CFAP77: variants seen among roughly 807,000 people sequenced by gnomAD.
CFAP77 encodes cilia- and flagella-associated protein 77.
Under a neutral mutation model 31.1 loss-of-function variants are expected in CFAP77, and 25 were observed. That is an observed-to-expected ratio of 0.80 (90% CI 0.59 to 1.12). CFAP77 has a LOEUF of 1.12. Among genes scored for constraint, CFAP77 ranks in the 50% most tolerant of loss-of-function variants. The pLI is 0.00. For missense variants in CFAP77, 377 were observed against 397.3 expected (o/e 0.95, Z 0.44); for synonymous variants, 151 against 159.9 (o/e 0.94, Z 0.42).
chr9:132,491,551 G>A (rs1317792066), intron 1 of CFAP77, among the ~76,000 whole-genome samples: 1 of 152,196 alleles, frequency 6.6e-6, no homozygotes. Context: ...CAAGCCCTTC[G>A]GATTGATGAT....
chr9:132,561,604 T>TACACACACACAC (rs61039438), intron 5 of CFAP77, among the ~76,000 whole-genome samples: 21 of 111,582 alleles, frequency 1.9e-4, no homozygotes, highest in Admixed American at 2.8e-4. Context: ...GAGGTGCATG[T>TACACACACACAC]ACACACACAC....
rs780558142 is a variant in CFAP77 at position 132,513,188 on chromosome 9, A to G, written c.524+13588A>G. On this transcript the variant is annotated intron_variant, in intron 3 of 5. Coordinates refer to ENST00000393216, the MANE Select transcript of CFAP77 (RefSeq NM_001282957.2). ...TACTCTTAGTTATTTTTAAATGTGCAATTAAGTTATTATTGACTCTAGTCA... is the reference window on the plus strand; with the variant it reads ...TACTCTTAGTTATTTTTAAATGTGCGATTAAGTTATTATTGACTCTAGTCA... 455 of 1,436,026 alleles carry G rather than the reference A, an allele frequency of 3.2e-4. 1 individual carries two copies. Among genetic ancestry groups the G allele is most frequent in the Non-Finnish European group, 4.0e-4 (426 of 1,068,160 alleles). The allele number at this position is 1,436,026 out of a possible 1,614,324, so 89.0% of individuals were successfully genotyped here.
Position 132,427,957 on chromosome 9 carries a change from C to T in CFAP77, c.195+17491C>T, listed in dbSNP as rs1211105949. Reference sequence around the variant, plus strand: ...ACGGAGTTCAACCTCTAACATTCTCCATTGACCCCATGGCTCAAAGTTTGT... The same window carrying T: ...ACGGAGTTCAACCTCTAACATTCTCTATTGACCCCATGGCTCAAAGTTTGT... On this transcript the variant is annotated intron_variant, in intron 1 of 5. Coordinates refer to ENST00000393216, the MANE Select transcript of CFAP77 (RefSeq NM_001282957.2). 2.0e-5 allele frequency among the ~76,000 whole-genome samples: 3 copies of T among 152,068 alleles called. No homozygotes were observed. The East Asian group carries it at 5.8e-4, about 29-fold the overall frequency.
chr9:132,499,022 C>T lies in CFAP77; in HGVS notation c.295+228C>T, dbSNP rs1851793010. On this transcript the variant is annotated intron_variant, in intron 2 of 5. Coordinates refer to ENST00000393216, the MANE Select transcript of CFAP77 (RefSeq NM_001282957.2). The surrounding 1 kb of genome is among the most constrained non-coding windows in gnomAD (Gnocchi z 5.4). ...TGTCAGGGAACTAGCATGGGTATCC[C>T]CGCACCGCCCCCCTTCCCCGCCGCC... Among the ~76,000 whole-genome samples the T allele has an allele frequency of 1.4e-5, 2 of 145,362 alleles. No individual in the cohort carries two copies. The highest frequency in any genetic ancestry group is 5.2e-5 in the African/African-American group (2 of 38,422).
intron 5 of CFAP77, among the ~76,000 whole-genome samples, chr9:132,550,447 G>A (rs1378343697): frequency 1.3e-5 from 2 of 148,662 alleles, no homozygotes; most frequent in Admixed American, 6.7e-5. Flanking sequence ...AATCTCCGAT[G>A]ATCTAGAGAG....
chr9:132,556,924 C>G (rs371110178), intron 5 of CFAP77, among the ~76,000 whole-genome samples: 1 of 152,192 alleles, frequency 6.6e-6, no homozygotes, highest in Non-Finnish European at 1.5e-5. Flanking sequence ...GAAGGCCCCG[C>G]GTCTCCTTCG....
chr9:132,466,769 G>A (rs1218055527), intron 1 of CFAP77, among the ~76,000 whole-genome samples: 1 of 152,198 alleles, frequency 6.6e-6, no homozygotes, highest in Non-Finnish European at 1.5e-5. Flanking sequence ...AGGGGCTGGT[G>A]GAGATGACCT....
chr9:132,572,337 A>G, intron 5 of CFAP77, 51 bp from the exon 6 acceptor site: 1 of 1,584,358 alleles, frequency 6.3e-7, no homozygotes, highest in South Asian at 1.1e-5. Flanking sequence ...AACTGGAATG[A>G]GCTACACTGA....
intron 1 of CFAP77, among the ~76,000 whole-genome samples, chr9:132,467,569 A>T (rs1315547304): frequency 2.0e-5 from 3 of 152,126 alleles, no homozygotes; most frequent in Non-Finnish European, 2.9e-5. Context: ...GTATGGAGGG[A>T]CTATATGTTG....
chr9:132,426,625 C>G (rs944754537), intron 1 of CFAP77, among the ~76,000 whole-genome samples: 2 of 152,102 alleles, frequency 1.3e-5, no homozygotes, highest in African/African-American at 4.8e-5. Flanking sequence ...ATTTATTAAC[C>G]ATCATCGTCT....
intron 1 of CFAP77, among the ~76,000 whole-genome samples, chr9:132,469,568 C>T (rs909407337): frequency 2.0e-5 from 3 of 152,172 alleles, no homozygotes; most frequent in Non-Finnish European, 2.9e-5. Flanking sequence ...CACATCCGTG[C>T]TTCCCAGAAA....
chr9:132,414,557 A>G (rs1850065075), intron 1 of CFAP77, among the ~76,000 whole-genome samples: 1 of 151,684 alleles, frequency 6.6e-6, no homozygotes, highest in South Asian at 2.1e-4. Context: ...ATGCACAAAT[A>G]AGACAGGCAT....
intron 5 of CFAP77, among the ~76,000 whole-genome samples, chr9:132,568,852 A>G (rs928859089): frequency 6.6e-6 from 1 of 152,046 alleles, no homozygotes; most frequent in African/African-American, 2.4e-5. Flanking sequence ...GGCATGTGCC[A>G]CCATGCCTGG....
intron 1 of CFAP77, chr9:132,482,565 G>C (rs1018806661): frequency 1.5e-6 from 1 of 667,294 alleles, no homozygotes. Context: ...TTACGCCATG[G>C]GGTGGGGACG....
rs1178281920 is a variant in CFAP77, at chr9:132,486,090, A to ATTT, written c.196-12587_196-12585dup. ...TGTATATATATATATATATATATAT[A>ATTT]TTTTTTTTTTTTTTTTTTTTGAGAC... On this transcript the variant is annotated intron_variant, in intron 1 of 5. Transcript: ENST00000393216. Among the ~76,000 whole-genome samples the ATTT allele has an allele frequency of 3.3e-4, 5 of 15,356 alleles. 2 individuals carry two copies. The highest frequency in any genetic ancestry group is 1.7e-3 in the African/African-American group (4 of 2,314). The allele number at this position is 15,356 out of a possible 152,430, so 10.1% of individuals were successfully genotyped here.
intron 5 of CFAP77, among the ~76,000 whole-genome samples, chr9:132,550,157 A>C (rs756921411): frequency 6.6e-6 from 1 of 152,180 alleles, no homozygotes; most frequent in Non-Finnish European, 1.5e-5. Flanking sequence ...CCAGTCCTAC[A>C]ACCTGGGAAC....
In CFAP77 at chr9:132,444,804, C is replaced by T. The variant is rs559091172; in HGVS notation, c.195+34338C>T. Among the ~76,000 whole-genome samples, 6 of 152,108 alleles carry T rather than the reference C, an allele frequency of 3.9e-5. No homozygotes were observed. The South Asian group carries it at 6.2e-4, about 16-fold the overall frequency. ...TTACCCATTTTTAATTGTAGAGTTA[C>T]GTGGCATTAAATGCTGAACCGCATT... On this transcript the variant is annotated intron_variant, in intron 1 of 5. Coordinates refer to ENST00000393216, the MANE Select transcript of CFAP77 (RefSeq NM_001282957.2).
chr9:132,551,646 A>G (rs1852822273), intron 5 of CFAP77, among the ~76,000 whole-genome samples: 1 of 152,232 alleles, frequency 6.6e-6, no homozygotes, highest in African/African-American at 2.4e-5. Flanking sequence ...ATAACTCTCA[A>G]TAACCCCACA....
intron 5 of CFAP77, among the ~76,000 whole-genome samples, chr9:132,569,728 CT>C (rs558402201): frequency 0.044 from 4,370 of 98,522 alleles, 75 homozygotes; most frequent in African/African-American, 0.13. Flanking sequence ...TCTAGCTGCC[CT>C]TTTTTTTTTT....
Sources: gnomAD v4.1 joint callset for allele counts (sites outside exome capture counted in the v4.1 genomes callset) on GRCh38, gnomAD v4.1.1 for gene constraint, Gnocchi (gnomAD v3.1) non-coding constraint, MANE v1.5 for transcripts, NCBI Gene and HGNC (gene_info 2026-07-23, HGNC 2026-07-21) for gene names.